Variants in F13A1 observed in about 807,000 individuals in gnomAD.
The protein encoded by F13A1 is FSF, A subunit.
In F13A1, 47 loss-of-function variants were observed where a neutral mutation model predicts 80.1. That is an observed-to-expected ratio of 0.59 (90% CI 0.46 to 0.75). F13A1 has a LOEUF of 0.75. Ranked by LOEUF, F13A1 falls within the 30% of genes least tolerant of loss-of-function variation. The pLI is 0.00. For missense variants in F13A1, 817 were observed against 930.4 expected (o/e 0.88, Z 1.59); for synonymous variants, 349 against 344.9 (o/e 1.01, Z -0.13).
intron 3 of F13A1, among the ~76,000 whole-genome samples, chr6:6,297,415 C>G (rs1403491149): frequency 6.6e-6 from 1 of 150,738 alleles, no homozygotes; most frequent in Non-Finnish European, 1.5e-5. Context: ...ATCATTGCCA[C>G]AATTTCAGAT....
intron 4 of F13A1, among the ~76,000 whole-genome samples, chr6:6,254,463 A>G (rs1757677919): frequency 6.6e-6 from 1 of 152,200 alleles, no homozygotes; most frequent in Admixed American, 6.5e-5. Context: ...AGATGCAGGT[A>G]CTGATATAGA....
intron 10 of F13A1, among the ~76,000 whole-genome samples, chr6:6,183,031 CTA>C (rs1423268283): frequency 1.3e-5 from 2 of 152,164 alleles, no homozygotes; most frequent in African/African-American, 2.4e-5. Flanking sequence ...CTCTGCTTTA[CTA>C]TTCTACTTTC....
rs556008518 is a variant in F13A1 at position 6,160,002 on chromosome 6, C to T, written c.1908+7456G>A. ...AAAAATGTTCTCACTGTTGGCCGGG[C>T]GCAGTGGCTCACGCCTGTAATCCCA... On this transcript the variant is annotated intron_variant, in intron 13 of 14. Coordinates refer to ENST00000264870, the MANE Select transcript of F13A1 (RefSeq NM_000129.4). Among the ~76,000 whole-genome samples the T allele has an allele frequency of 3.6e-3, 544 of 152,008 alleles. 1 individual carries two copies. Among genetic ancestry groups the T allele is most frequent in the African/African-American group, 5.5e-3 (228 of 41,498 alleles).
At chr6:6,266,339 C>A (rs1368269214) in intron 4 of F13A1, among the ~76,000 whole-genome samples, 1 of 152,184 alleles carries the variant, frequency 6.6e-6, no homozygotes, top group Non-Finnish European at 1.5e-5. Context: ...TCAAGCAATT[C>A]TCCCACTTCA....
intron 11 of F13A1, among the ~76,000 whole-genome samples, chr6:6,181,522 T>C (rs1391876459): frequency 2.0e-5 from 3 of 152,254 alleles, no homozygotes; most frequent in East Asian, 1.9e-4. Context: ...CATTGTCCTA[T>C]TAATATTGTA....
Position 6,312,039 on chromosome 6 carries a change from A to G in F13A1, c.130+6496T>C, listed in dbSNP as rs570447129. Among the ~76,000 whole-genome samples, 5 of 148,478 alleles carry G rather than the reference A, an allele frequency of 3.4e-5. No homozygotes were observed. In the East Asian group the frequency reaches 9.7e-4, roughly 29 times the overall value. ...ATATAAGCAAACTTTTTATATATAT[A>G]TAAAGTTACATATATATAAAGTTAT... On this transcript the variant is annotated intron_variant, in intron 2 of 14. Coordinates refer to ENST00000264870, the MANE Select transcript of F13A1 (RefSeq NM_000129.4).
chr6:6,187,116 G>A (rs1473539957), intron 10 of F13A1, among the ~76,000 whole-genome samples: 1 of 126,010 alleles, frequency 7.9e-6, no homozygotes, highest in Non-Finnish European at 1.7e-5. Flanking sequence ...AGCTTAAGGA[G>A]CTTTTGGGCT....
intron 2 of F13A1, among the ~76,000 whole-genome samples, chr6:6,316,136 T>C (rs1758681897): frequency 1.2e-5 from 1 of 81,302 alleles, no homozygotes; most frequent in Non-Finnish European, 2.4e-5. Flanking sequence ...TATATATATA[T>C]ATATATAGTT....
Position 6,300,014 on chromosome 6 carries a change from A to G in F13A1, c.319+5337T>C, listed in dbSNP as rs575086358. Among the ~76,000 whole-genome samples, 213 of 145,676 alleles carry G rather than the reference A, an allele frequency of 1.5e-3. 4 individuals carry two copies. Among genetic ancestry groups the G allele is most frequent in the South Asian group, 3.4e-3 (16 of 4,758 alleles). ...TCTGTTGGAGTACCCTGCCGTGTGA[A>G]GTGTCAGTGTGCCCCTGCTGGGGGG... On this transcript the variant is annotated intron_variant, in intron 3 of 14. Coordinates refer to ENST00000264870, the MANE Select transcript of F13A1 (RefSeq NM_000129.4).
rs967421940 is a variant in F13A1 at position 6,145,875 on chromosome 6, A to G, written c.2046-103T>C. On this transcript the variant is annotated intron_variant, in intron 14 of 14. Coordinates refer to ENST00000264870, the MANE Select transcript of F13A1 (RefSeq NM_000129.4). ...CTAAGTCACTTGCTTTCTTTCTCTC[A>G]GTTGGTGCTTAGGACACTGAAGACT... 17 of 1,510,528 alleles carry G rather than the reference A, an allele frequency of 1.1e-5. No homozygotes were observed. In the African/African-American group the frequency reaches 2.3e-4, roughly 21 times the overall value. The allele number at this position is 1,510,528 out of a possible 1,614,324, so 93.6% of individuals were successfully genotyped here.
At chr6:6,285,802 C>T (rs1218713702) in intron 3 of F13A1, among the ~76,000 whole-genome samples, 1 of 151,298 alleles carries the variant, frequency 6.6e-6, no homozygotes, top group Non-Finnish European at 1.5e-5. Flanking sequence ...TCCCAATAAA[C>T]AGAAATACCT....
Position 6,185,121 on chromosome 6 carries a change from ATC to A in F13A1, c.1306-2982_1306-2981del, listed in dbSNP as rs761921430. On this transcript the variant is annotated intron_variant, in intron 10 of 14. Coordinates refer to ENST00000264870, the MANE Select transcript of F13A1 (RefSeq NM_000129.4). ...TGTGTGGCTCTGGATGAGTTACTGA[ATC>A]TCTCTCTTTTTTTTTTTTTATTATA... is the stretch of plus-strand genomic sequence containing the variant. Among the ~76,000 whole-genome samples, 65 of 140,242 alleles carry A rather than the reference ATC, an allele frequency of 4.6e-4. No individual in the cohort carries two copies. The South Asian group carries it at 0.011, about 24-fold the overall frequency. 92.0% of individuals were successfully genotyped at this position (140,242 alleles called of 152,430 possible). A position where few individuals can be genotyped will look rare whatever the true frequency, so the allele number is the denominator to read the frequency against.
chr6:6,262,230 T>C (rs1484131616), intron 4 of F13A1, among the ~76,000 whole-genome samples: 10 of 148,572 alleles, frequency 6.7e-5, no homozygotes, highest in African/African-American at 2.2e-4. Flanking sequence ...GATTCTGATG[T>C]GCTCCAAGCG....
chr6:6,286,925 C>T (rs774732551), intron 3 of F13A1, among the ~76,000 whole-genome samples: 6 of 152,126 alleles, frequency 3.9e-5, no homozygotes, highest in Non-Finnish European at 8.8e-5. Flanking sequence ...GGTTATCCTT[C>T]CTTAAGGAAT....
intron 6 of F13A1, among the ~76,000 whole-genome samples, chr6:6,232,763 C>T (rs951597972): frequency 1.3e-5 from 2 of 152,062 alleles, no homozygotes; most frequent in Non-Finnish European, 1.5e-5. Context: ...TCTCTCAGAC[C>T]ACACAGAAAT....
rs746149689 is a variant in F13A1 at position 6,145,791 on chromosome 6, G to T, written c.2046-19C>A. 2 of 1,613,992 alleles carry T rather than the reference G, an allele frequency of 1.2e-6. No individual in the cohort carries two copies. Among genetic ancestry groups the T allele is most frequent in the Non-Finnish European group, 1.7e-6 (2 of 1,179,924 alleles). On this transcript the variant is annotated intron_variant, in intron 14 of 14. Transcript: ENST00000264870. ...GATTTCACTGAAAGGATGGAAAAGA[G>T]AGGAGAGGTTGGAAGATCCAGCTTT... is the stretch of plus-strand genomic sequence containing the variant.
At chr6:6,314,905 G>A (rs1337482532) in intron 2 of F13A1, among the ~76,000 whole-genome samples, 6 of 152,174 alleles carry the variant, frequency 3.9e-5, no homozygotes, top group Non-Finnish European at 8.8e-5. Flanking sequence ...AATCCAGAGA[G>A]GTTTACTCTG....
rs559889701 is a variant in F13A1, at chr6:6,254,369, G to A, written c.572-3440C>T. ...CTTCAAAATGGCATAACGTGCTATA[G>A]TAAAAATGGGAAACAATCCAAATAG... On this transcript the variant is annotated intron_variant, in intron 4 of 14. Transcript: ENST00000264870. 2.6e-5 allele frequency among the ~76,000 whole-genome samples: 4 copies of A among 152,210 alleles called. No homozygotes were observed. The South Asian group carries it at 8.3e-4, about 32-fold the overall frequency.
chr6:6,253,164 G>T (rs3895269), intron 4 of F13A1, among the ~76,000 whole-genome samples: 3 of 63,230 alleles, frequency 4.7e-5, no homozygotes, highest in Admixed American at 1.8e-4. Flanking sequence ...AAAAAAAAAA[G>T]AGAGAGAGAG....
Sources: allele counts gnomAD v4.1 joint callset (sites outside exome capture counted in the v4.1 genomes callset), GRCh38; gene constraint gnomAD v4.1.1; transcripts MANE v1.5; gene names NCBI Gene and HGNC (gene_info 2026-07-23, HGNC 2026-07-21).